Variants in ASTN2 observed in about 807,000 individuals in gnomAD.
ASTN2 encodes the protein astrotactin-2.
A neutral mutation model predicts 139.8 loss-of-function variants in ASTN2; 54 were observed. The ratio of observed to expected loss-of-function variants is 0.39; its 90% CI spans 0.31 to 0.48. The LOEUF is 0.48. ASTN2 is among the 20% of genes least tolerant of loss of function. The probability of loss-of-function intolerance (pLI) is 0.95; values close to 1 mark genes in which losing one functional copy is unlikely to be tolerated. For missense variants in ASTN2, 1,565 were observed against 1,725.1 expected (o/e 0.91, Z 1.64); for synonymous variants, 756 against 719.5 (o/e 1.05, Z -0.81).
intron 1 of ASTN2, among the ~76,000 whole-genome samples, chr9:117,337,947 G>A (rs1274488728): frequency 6.6e-6 from 1 of 152,158 alleles, no homozygotes; most frequent in Non-Finnish European, 1.5e-5. Context: ...ATGTGATCAT[G>A]TTTTGCCATG....
At position 116,494,162 on chromosome 9, in the gene ASTN2, GGTA is replaced by G. The variant is rs1202865693; in HGVS notation, c.3356-6665_3356-6663del. ...CACCTTTATTGTAATGGCAGTAGGA[GGTA>G]GTAGAAAGAGAGTGGGTTTTGGGGA... is the stretch of plus-strand genomic sequence containing the variant. On this transcript the variant is annotated intron_variant, in intron 19 of 22. Transcript: ENST00000313400. 2.6e-5 allele frequency among the ~76,000 whole-genome samples: 4 copies of G among 152,220 alleles called. No individual in the cohort carries two copies. In the East Asian group the frequency reaches 7.7e-4, roughly 29 times the overall value.
At chr9:116,809,389 A>G (rs1297089766) in intron 12 of ASTN2, among the ~76,000 whole-genome samples, 2 of 152,160 alleles carry the variant, frequency 1.3e-5, no homozygotes, top group African/African-American at 2.4e-5. Context: ...CAATCCCTAC[A>G]TATGCCATAT....
rs1828227962 is a variant in ASTN2, at chr9:116,713,512, G to T, written c.2806+12259C>A. On this transcript the variant is annotated intron_variant, in intron 16 of 22. Transcript: ENST00000313400. ...TCTAGAGCCTGCTGGTCAGCATCAT[G>T]CAGGCTTACATCCTGCCGATCAATC... 2.0e-5 allele frequency among the ~76,000 whole-genome samples: 3 copies of T among 152,156 alleles called. No individual in the cohort carries two copies. In the South Asian group the frequency reaches 6.2e-4, roughly 32 times the overall value.
intron 13 of ASTN2, among the ~76,000 whole-genome samples, chr9:116,801,381 G>A (rs748484640): frequency 2.6e-5 from 4 of 151,878 alleles, no homozygotes; most frequent in Non-Finnish European, 4.4e-5. Context: ...AGGAGTTTGA[G>A]ACCAGTCTGG....
At chr9:116,597,341 T>C (rs1018794655) in intron 19 of ASTN2, among the ~76,000 whole-genome samples, 1 of 124,700 alleles carries the variant, frequency 8.0e-6, no homozygotes. Context: ...AGAGTTTCAC[T>C]CTTGTCGCCA....
intron 2 of ASTN2, among the ~76,000 whole-genome samples, chr9:117,222,881 G>GA (rs112879842): frequency 0.061 from 8,970 of 145,956 alleles, 567 homozygotes; most frequent in African/African-American, 0.16. Flanking sequence ...GTGTACAGAT[G>GA]AAAAAAAAAA....
At chr9:117,015,439 A>G (rs1328758199) in intron 6 of ASTN2, among the ~76,000 whole-genome samples, 1 of 152,156 alleles carries the variant, frequency 6.6e-6, no homozygotes, top group African/African-American at 2.4e-5. Context: ...AAATGTATAA[A>G]ACCAAATTTA....
At chr9:117,162,123 A>C (rs1345046628) in intron 3 of ASTN2, among the ~76,000 whole-genome samples, 1 of 152,072 alleles carries the variant, frequency 6.6e-6, no homozygotes, top group Non-Finnish European at 1.5e-5. Flanking sequence ...TGAGAAAAGC[A>C]GATAGATAAG....
intron 19 of ASTN2, among the ~76,000 whole-genome samples, chr9:116,549,068 A>T (rs950128045): frequency 2.7e-4 from 41 of 152,126 alleles, no homozygotes; most frequent in African/African-American, 9.9e-4. Flanking sequence ...CATTGGACAG[A>T]TGGGAAAATT....
chr9:116,744,880 C>A (rs1829192601), intron 13 of ASTN2, among the ~76,000 whole-genome samples: 1 of 152,206 alleles, frequency 6.6e-6, no homozygotes, highest in Admixed American at 6.5e-5. Flanking sequence ...TAACTGCTAA[C>A]TGTGAGACCC....
chr9:116,534,097 G>T (rs148599663), intron 19 of ASTN2, among the ~76,000 whole-genome samples: 1,881 of 152,102 alleles, frequency 0.012, 34 homozygotes, highest in African/African-American at 0.043. Flanking sequence ...TGGGAGGGTG[G>T]ATGTGTCCAG....
chr9:116,781,464 G>T (rs147924008), intron 13 of ASTN2, among the ~76,000 whole-genome samples: 3 of 152,196 alleles, frequency 2.0e-5, no homozygotes, highest in African/African-American at 7.2e-5. Context: ...AGACCTGGGG[G>T]GCAAATGTCA....
chr9:116,693,994 A>G (rs1440004034), intron 16 of ASTN2, among the ~76,000 whole-genome samples: 1 of 152,122 alleles, frequency 6.6e-6, no homozygotes, highest in Non-Finnish European at 1.5e-5. Context: ...GGCTTTTTCC[A>G]GGTTTGAGAC....
At chr9:116,783,718 T>C (rs1830284557) in intron 13 of ASTN2, among the ~76,000 whole-genome samples, 2 of 152,112 alleles carry the variant, frequency 1.3e-5, no homozygotes, top group Non-Finnish European at 2.9e-5. Flanking sequence ...ACTAAGCTAC[T>C]GCCTAAACTG....
At chr9:116,880,849 T>C (rs1391643039) in intron 10 of ASTN2, among the ~76,000 whole-genome samples, 2 of 152,126 alleles carry the variant, frequency 1.3e-5, no homozygotes, top group South Asian at 2.1e-4. Context: ...TGCTGAGACA[T>C]GACCCCCGCC....
At chr9:116,763,845 G>A (rs1364274407) in intron 13 of ASTN2, among the ~76,000 whole-genome samples, 1 of 152,132 alleles carries the variant, frequency 6.6e-6, no homozygotes, top group African/African-American at 2.4e-5. Context: ...AACATGCAAA[G>A]CACTGAGCTA....
intron 13 of ASTN2, among the ~76,000 whole-genome samples, chr9:116,765,156 C>A (rs1394648792): frequency 1.3e-5 from 2 of 152,112 alleles, no homozygotes; most frequent in African/African-American, 4.8e-5. Context: ...TGAGCAGAGG[C>A]CAAATTCTAC....
chr9:116,506,452 ATTTT>A, intron 19 of ASTN2, among the ~76,000 whole-genome samples: 1 of 151,944 alleles, frequency 6.6e-6, no homozygotes, highest in Non-Finnish European at 1.5e-5. Flanking sequence ...GTTATTTGGG[ATTTT>A]ACCTCTTAGG....
At chr9:116,882,885 A>G (rs1833487153) in intron 10 of ASTN2, among the ~76,000 whole-genome samples, 1 of 152,180 alleles carries the variant, frequency 6.6e-6, no homozygotes, top group Non-Finnish European at 1.5e-5. Flanking sequence ...TTCTTGCCAA[A>G]TGATAATTCT....
Sources: gnomAD v4.1 joint callset for allele counts (sites outside exome capture counted in the v4.1 genomes callset) on GRCh38, gnomAD v4.1.1 for gene constraint, MANE v1.5 for transcripts, NCBI Gene and HGNC (gene_info 2026-07-23, HGNC 2026-07-21) for gene names.